Variants in RGPD5 observed in about 807,000 individuals in gnomAD.
RGPD5 encodes RANBP2 like and GRIP domain containing 5.
chr2:109,767,031 A>G, the RGPD5 span, among the ~76,000 whole-genome samples: 1 of 141,060 alleles, frequency 7.1e-6, no homozygotes, highest in Non-Finnish European at 1.5e-5. Flanking sequence ...GCAGCTCATG[A>G]TTTTTCTCAT....
chr2:109,767,105 T>G, the RGPD5 span, among the ~76,000 whole-genome samples: 1 of 143,782 alleles, frequency 7.0e-6, no homozygotes, highest in African/African-American at 2.6e-5. Context: ...GCCTACCTCA[T>G]AAGGTTGTGA....
chr2:109,769,386 CAT>C, the RGPD5 span, among the ~76,000 whole-genome samples: 3 of 87,234 alleles, frequency 3.4e-5, 1 homozygote, highest in Non-Finnish European at 6.8e-5. Context: ...AGAATGTTTG[CAT>C]ATAGGATGGA....
At chr2:109,761,582 G>A in the RGPD5 span, among the ~76,000 whole-genome samples, 1 of 148,268 alleles carries the variant, frequency 6.7e-6, no homozygotes, top group African/African-American at 2.5e-5. Context: ...AATTCCAGTT[G>A]CGGGTGTCTT....
the RGPD5 span, among the ~76,000 whole-genome samples, chr2:109,761,580 T>C: frequency 2.0e-5 from 3 of 148,360 alleles, no homozygotes; most frequent in African/African-American, 7.4e-5. Context: ...TTAATTCCAG[T>C]TGCGGGTGTC....
chr2:109,762,216 G>A, the RGPD5 span, among the ~76,000 whole-genome samples: 1 of 144,268 alleles, frequency 6.9e-6, no homozygotes, highest in African/African-American at 2.6e-5. Context: ...AGCCAGGGCA[G>A]AAAGAATATG....
At chr2:109,770,045 G>C in the RGPD5 span, among the ~76,000 whole-genome samples, 3 of 107,312 alleles carry the variant, frequency 2.8e-5, 1 homozygote, top group Non-Finnish European at 5.3e-5. Context: ...AGGTGATTCA[G>C]ACAACCCGCC....
the RGPD5 span, among the ~76,000 whole-genome samples, chr2:109,763,493 C>T: frequency 6.7e-6 from 1 of 150,216 alleles, no homozygotes; most frequent in Non-Finnish European, 1.5e-5. Flanking sequence ...TATCTCTCAG[C>T]TTATAAGGAC....
chr2:109,766,252 G>A, the RGPD5 span, among the ~76,000 whole-genome samples: 4,325 of 131,754 alleles, frequency 0.033, 6 homozygotes, highest in South Asian at 0.057. Context: ...CAGCAGTGGG[G>A]AAGGGGCTGC....
chr2:109,761,782 T>C, the RGPD5 span, among the ~76,000 whole-genome samples: 1 of 147,934 alleles, frequency 6.8e-6, no homozygotes, highest in Non-Finnish European at 1.5e-5. Context: ...GGAACAAGCA[T>C]ATTAACTGCA....
chr2:109,774,540 A>AATATTTTATATAT, the RGPD5 span, among the ~76,000 whole-genome samples: 2 of 76,152 alleles, frequency 2.6e-5, 1 homozygote, highest in African/African-American at 1.3e-4. Context: ...ATTATATATA[A>AATATTTTATATAT]AATATATATA....
the RGPD5 span, among the ~76,000 whole-genome samples, chr2:109,761,435 C>T: frequency 6.7e-6 from 1 of 149,958 alleles, no homozygotes. Context: ...ACTCCTCCTC[C>T]CCACCCCACC....
chr2:109,773,025 C>T, the RGPD5 span, among the ~76,000 whole-genome samples: 1 of 152,210 alleles, frequency 6.6e-6, no homozygotes, highest in East Asian at 1.9e-4. Flanking sequence ...CATGTAAATG[C>T]CCTTGGACCA....
chr2:109,763,291 A>G, the RGPD5 span, among the ~76,000 whole-genome samples: 1 of 150,604 alleles, frequency 6.6e-6, no homozygotes, highest in Non-Finnish European at 1.5e-5. Context: ...AGCTCATTTA[A>G]TTATAAAGCA....
the RGPD5 span, among the ~76,000 whole-genome samples, chr2:109,763,641 C>T: frequency 6.7e-6 from 1 of 150,028 alleles, no homozygotes; most frequent in Non-Finnish European, 1.5e-5. Flanking sequence ...GAAAGTATAC[C>T]TGTTAATTAT....
At chr2:109,794,703 G>T (rs1380574267) in intron 1 of RGPD5, 166 bp downstream of exon 1, 1 of 726,304 alleles carries the variant, frequency 1.4e-6, no homozygotes, top group Non-Finnish European at 1.6e-6. Flanking sequence ...GCGCCGGCCG[G>T]CTGGCGCAGT....
the RGPD5 span, among the ~76,000 whole-genome samples, chr2:109,764,069 C>T: frequency 6.8e-6 from 1 of 146,314 alleles, no homozygotes; most frequent in Non-Finnish European, 1.5e-5. Context: ...GTTTTTTGAG[C>T]CTGAATTATC....
chr2:109,794,605 CGGCGGGGGGGG>C, intron 1 of RGPD5, 68 bp downstream of exon 1: 1 of 831,964 alleles, frequency 1.2e-6, no homozygotes, highest in Non-Finnish European at 1.4e-6. Flanking sequence ...GCGGCGGCGG[CGGCGGGGGGGG>C]CGGCGGCGGC....
chr2:109,764,222 C>T, the RGPD5 span, among the ~76,000 whole-genome samples: 8 of 149,598 alleles, frequency 5.3e-5, no homozygotes, highest in African/African-American at 1.7e-4. Context: ...ATTCAGCACC[C>T]GACACTGTAG....
At chr2:109,779,946 AG>A in the RGPD5 span, among the ~76,000 whole-genome samples, 2 of 43,734 alleles carry the variant, frequency 4.6e-5, no homozygotes, top group African/African-American at 1.4e-4. Context: ...TTGGACAGCA[AG>A]GGGCTGTAGG....
Sources: gnomAD v4.1 joint callset for allele counts (sites outside exome capture counted in the v4.1 genomes callset) on GRCh38, gnomAD v4.1.1 for gene constraint, MANE v1.5 for transcripts, NCBI Gene and HGNC (gene_info 2026-07-23, HGNC 2026-07-21) for gene names.